ZNF783: variants seen among roughly 807,000 people sequenced by gnomAD.
ZNF783 encodes the protein protein ZNF783.
A neutral mutation model predicts 31.3 loss-of-function variants in ZNF783; 25 were observed. The ratio of observed to expected loss-of-function variants is 0.80; its 90% confidence interval spans 0.58 to 1.11. The LOEUF (loss-of-function observed/expected upper bound fraction) is 1.11, where lower values mean the gene tolerates loss of function less well. Among genes scored for constraint, ZNF783 ranks in the 50% most tolerant of loss-of-function variants. The pLI is 0.00. For missense variants in ZNF783, 797 were observed against 760.0 expected (o/e 1.05, Z -0.57); for synonymous variants, 369 against 319.1 (o/e 1.16, Z -1.66).
In ZNF783 at chr7:149,263,290, GTGTGTGTGTGTGTGTATATATA is replaced by G. The variant is rs1410071061; in HGVS notation, c.24+935_24+956del. Among the ~76,000 whole-genome samples the G allele has an allele frequency of 9.0e-4, 77 of 85,102 alleles. 1 individual carries two copies. The South Asian group carries it at 0.024, about 27-fold the overall frequency. The allele number at this position is 85,102 out of a possible 152,430, so 55.8% of individuals were successfully genotyped here. A position where few individuals can be genotyped will look rare whatever the true frequency, so the allele number is the denominator to read the frequency against. On this transcript the variant is annotated intron_variant, in intron 1 of 5. Transcript: ENST00000434415. ...CGTGTGTGTGTGTGTGTGTGTGTGT[GTGTGTGTGTGTGTGTATATATA>G]TATATATATATATTTTTTTTTTAGA...
chr7:149,263,317 TATATATA>T (rs1460694265), intron 1 of ZNF783, among the ~76,000 whole-genome samples: 55 of 142,360 alleles, frequency 3.9e-4, no homozygotes, highest in African/African-American at 6.8e-4. Flanking sequence ...TATATATATA[TATATATA>T]TTTTTTTTTT....
In ZNF783 at chr7:149,281,785, GATCA is replaced by G. The variant is rs1797475855; in HGVS notation, c.1087_1090del (p.Asn363Ter). The G allele has an allele frequency of 6.6e-7, 1 of 1,513,924 alleles. No homozygotes were observed. The highest frequency in any genetic ancestry group is 2.2e-5 in the Admixed American group (1 of 45,908). 93.8% of individuals were successfully genotyped at this position (1,513,924 alleles called of 1,614,324 possible). A position where few individuals can be genotyped will look rare whatever the true frequency, so the allele number is the denominator to read the frequency against. ...ACTGCGGGCAGAGCTTCCGCCTGAA[GATCA>G]ATCTGACGATTCATCAGCGGACCCA... On this transcript the variant is annotated frameshift_variant, in exon 6 of 6. Transcript: ENST00000434415. LOFTEE classifies it low-confidence loss of function (END_TRUNC).
At chr7:149,271,381 C>T (rs1447739254) in intron 4 of ZNF783, among the ~76,000 whole-genome samples, 2 of 152,216 alleles carry the variant, frequency 1.3e-5, no homozygotes, top group African/African-American at 4.8e-5. Flanking sequence ...AATTTCAAAA[C>T]AGTGAAGCCA....
intron 4 of ZNF783, among the ~76,000 whole-genome samples, chr7:149,267,713 C>T (rs1294265553): frequency 1.3e-5 from 2 of 152,108 alleles, no homozygotes; most frequent in African/African-American, 2.4e-5. Flanking sequence ...AGGAGAATGG[C>T]GTGAACCCGG....
rs532088606 is a variant in ZNF783, at chr7:149,272,842, A to G, written c.674-5557A>G. On this transcript the variant is annotated intron_variant, in intron 4 of 5. Transcript: ENST00000434415. ...TCACATGCTAGATCTTATTCATTCT[A>G]TTTAACTATATTTTTTACCCATTAA... Among the ~76,000 whole-genome samples the G allele has an allele frequency of 2.4e-4, 36 of 152,186 alleles. No individual in the cohort carries two copies. The South Asian group carries it at 5.8e-3, about 25-fold the overall frequency.
chr7:149,271,699 A>T (rs1372938820), intron 4 of ZNF783, among the ~76,000 whole-genome samples: 3 of 152,206 alleles, frequency 2.0e-5, no homozygotes, highest in African/African-American at 7.2e-5. Context: ...TCTCGTTTCC[A>T]TCCTTGTGGC....
chr7:149,279,820 G>A (rs1797420356), intron 5 of ZNF783, among the ~76,000 whole-genome samples: 1 of 151,856 alleles, frequency 6.6e-6, no homozygotes, highest in African/African-American at 2.4e-5. Flanking sequence ...CAAGGCAGAA[G>A]AATTTATCTT....
intron 5 of ZNF783, among the ~76,000 whole-genome samples, chr7:149,281,220 T>C (rs1243511498): frequency 6.6e-6 from 1 of 152,216 alleles, no homozygotes; most frequent in Non-Finnish European, 1.5e-5. Context: ...AGCTGACCCC[T>C]GACCTCTGGG....
intron 4 of ZNF783, among the ~76,000 whole-genome samples, chr7:149,270,401 C>G (rs1585612057): frequency 6.6e-6 from 1 of 152,200 alleles, no homozygotes; most frequent in East Asian, 1.9e-4. Context: ...AAATGCTAGT[C>G]AGCTTTTTTA....
chr7:149,275,306 G>A lies in ZNF783; in HGVS notation c.674-3093G>A, dbSNP rs1273640745. ...ATAGGTTTTTTTGATGGAGGCTTTA[G>A]GTTTTTCTTTCTTTTTTTTTTTTTT... is the stretch of plus-strand genomic sequence containing the variant. On this transcript the variant is annotated intron_variant, in intron 4 of 5. Coordinates refer to ENST00000434415, the MANE Select transcript of ZNF783 (RefSeq NM_001195220.2). Among the ~76,000 whole-genome samples the A allele has an allele frequency of 6.0e-5, 9 of 150,270 alleles. No homozygotes were observed. In the East Asian group the frequency reaches 1.7e-3, roughly 29 times the overall value.
At position 149,283,894 on chromosome 7, in the gene ZNF783, C is replaced by T. The variant is rs1797541988; in HGVS notation, c.*1551C>T. 6.6e-6 allele frequency: 1 copy of T among 152,256 alleles called. No homozygotes were observed. Among genetic ancestry groups the T allele is most frequent in the Admixed American group, 6.5e-5 (1 of 15,280 alleles). 9.4% of individuals were successfully genotyped at this position (152,256 alleles called of 1,614,324 possible). On this transcript the variant is annotated 3_prime_UTR_variant, in exon 6 of 6. Coordinates refer to ENST00000434415, the MANE Select transcript of ZNF783 (RefSeq NM_001195220.2). ...TCCAGCCTTTTTTTCCTGTCAGAAT[C>T]CCTCAGGAAGGACCTTTATCTTCTG...
At chr7:149,265,181 G>A (rs569537529) in intron 1 of ZNF783, among the ~76,000 whole-genome samples, 1 of 152,336 alleles carries the variant, frequency 6.6e-6, no homozygotes, top group South Asian at 2.1e-4. Flanking sequence ...GAATGAAATT[G>A]AGGAGTGAGA....
At position 149,268,156 on chromosome 7, in the gene ZNF783, C is replaced by T. The variant is rs144858588; in HGVS notation, c.673+934C>T. ...AACTCAACACTCTGCTGGGTTTTGC[C>T]ACATGCGCTTCATCCATCTGTTTTT... is the stretch of plus-strand genomic sequence containing the variant. On this transcript the variant is annotated intron_variant, in intron 4 of 5. Coordinates refer to ENST00000434415, the MANE Select transcript of ZNF783 (RefSeq NM_001195220.2). 9.8e-5 allele frequency among the ~76,000 whole-genome samples: 15 copies of T among 152,306 alleles called. No homozygotes were observed. In the East Asian group the frequency reaches 2.9e-3, roughly 29 times the overall value.
Position 149,282,469 on chromosome 7 carries a change from C to T in ZNF783, c.*126C>T. The T allele has an allele frequency of 4.8e-6, 4 of 830,484 alleles. No individual in the cohort carries two copies. Among genetic ancestry groups the T allele is most frequent in the Non-Finnish European group, 7.2e-6 (4 of 555,524 alleles). The allele number at this position is 830,484 out of a possible 1,614,324, so 51.4% of individuals were successfully genotyped here. ...CCATTCAAATGGGAAGCTAGCTGCC[C>T]TTCTGGTGACATTGTGTGTGACCGG... is the stretch of plus-strand genomic sequence containing the variant. On this transcript the variant is annotated 3_prime_UTR_variant, in exon 6 of 6. Transcript: ENST00000434415.
intron 4 of ZNF783, among the ~76,000 whole-genome samples, chr7:149,272,344 T>G (rs770323888): frequency 3.5e-4 from 53 of 152,284 alleles, no homozygotes; most frequent in Non-Finnish European, 2.5e-4. Flanking sequence ...ATCCTGGAAG[T>G]TGGATTTCTG....
chr7:149,266,907 A>G lies in ZNF783; in HGVS notation c.509A>G (p.His170Arg), dbSNP rs745677484. ...LEDWQKELYK[H>R]VMRGNYETLV... ...GACTGGCAGAAGGAGCTCTACAAGCACGTGATGAGGGGCAACTACGAGACG... is the reference window on the plus strand; with the variant it reads ...GACTGGCAGAAGGAGCTCTACAAGCGCGTGATGAGGGGCAACTACGAGACG... The change falls in exon 3 of 6, where the codon CAC becomes CGC. Residue 170 changes from histidine (H) to arginine (R), a missense_variant. Coordinates refer to ENST00000434415, the MANE Select transcript of ZNF783 (RefSeq NM_001195220.2). 19 of 1,614,016 alleles carry G rather than the reference A, an allele frequency of 1.2e-5. No individual in the cohort carries two copies. The highest frequency in any genetic ancestry group is 1.6e-5 in the Non-Finnish European group (19 of 1,180,026).
intron 1 of ZNF783, among the ~76,000 whole-genome samples, chr7:149,263,327 T>TC (rs1175745883): frequency 2.0e-5 from 3 of 147,250 alleles, no homozygotes; most frequent in Non-Finnish European, 3.0e-5. Context: ...TATATATATT[T>TC]TTTTTTTAGA....
intron 5 of ZNF783, among the ~76,000 whole-genome samples, chr7:149,278,970 C>T (rs1797395389): frequency 6.6e-6 from 1 of 152,216 alleles, no homozygotes; most frequent in African/African-American, 2.4e-5. Context: ...GTCATCCTTC[C>T]AGACTTCTTT....
intron 4 of ZNF783, 116 bp downstream of exon 4, chr7:149,267,338 A>G: frequency 7.1e-7 from 1 of 1,402,400 alleles, no homozygotes. Context: ...TAGACCATTA[A>G]CCCAAAGTGG....
Sources: allele counts gnomAD v4.1 joint callset (sites outside exome capture counted in the v4.1 genomes callset), GRCh38; gene constraint gnomAD v4.1.1; transcripts MANE v1.5; gene names NCBI Gene and HGNC (gene_info 2026-07-23, HGNC 2026-07-21).